The following DLG2 variants were observed in gnomAD, a reference collection of about 807,000 sequenced individuals.
DLG2 encodes discs large MAGUK scaffold protein 2.
A neutral mutation model predicts 132.5 loss-of-function variants in DLG2; 45 were observed. The observed-to-expected ratio is 0.34, with a 90% CI of 0.27 to 0.44. The LOEUF (loss-of-function observed/expected upper bound fraction) is 0.44, where lower values mean the gene tolerates loss of function less well. Among genes scored for constraint, DLG2 ranks in the 20% least tolerant of loss-of-function variants. The pLI, the probability that DLG2 is intolerant of heterozygous loss-of-function variation, is 1.00. For synonymous variants in DLG2, 424 were observed against 419.6 expected (o/e 1.01, Z -0.13); for missense variants, 1,045 against 1,196.9 (o/e 0.87, Z 1.87).
chr11:84,540,449 T>C (rs956277301), intron 6 of DLG2, among the ~76,000 whole-genome samples: 7 of 151,694 alleles, frequency 4.6e-5, no homozygotes, highest in Middle Eastern at 3.5e-3. Flanking sequence ...AAAATGCTCA[T>C]CATCACTGGC....
intron 6 of DLG2, among the ~76,000 whole-genome samples, chr11:84,675,146 C>T (rs1208758664): frequency 6.6e-6 from 1 of 152,122 alleles, no homozygotes; most frequent in Non-Finnish European, 1.5e-5. Flanking sequence ...ACCCTGCGGC[C>T]CCCTCTATCC....
intron 26 of DLG2, among the ~76,000 whole-genome samples, chr11:83,462,551 T>C (rs1373205617): frequency 6.6e-6 from 1 of 152,168 alleles, no homozygotes; most frequent in East Asian, 1.9e-4. Flanking sequence ...CTAGTGTATC[T>C]CAGACTTTCT....
chr11:85,006,549 A>G (rs2058676926), intron 6 of DLG2, among the ~76,000 whole-genome samples: 1 of 152,010 alleles, frequency 6.6e-6, no homozygotes, highest in South Asian at 2.1e-4. Flanking sequence ...GGTAGTTTGC[A>G]TTTCTGTGAG....
At chr11:85,581,419 G>A (rs1343311580) in intron 3 of DLG2, among the ~76,000 whole-genome samples, 1 of 151,986 alleles carries the variant, frequency 6.6e-6, no homozygotes, top group East Asian at 1.9e-4. Flanking sequence ...AGACCAGCCT[G>A]GGCAACATGG....
intron 6 of DLG2, among the ~76,000 whole-genome samples, chr11:85,078,476 A>C (rs371563671): frequency 6.6e-6 from 1 of 151,856 alleles, no homozygotes; most frequent in East Asian, 1.9e-4. Context: ...GTGAAGGAAA[A>C]GGGAAAGTAG....
chr11:84,496,920 A>G (rs1038759108), intron 7 of DLG2, among the ~76,000 whole-genome samples: 1 of 152,160 alleles, frequency 6.6e-6, no homozygotes, highest in Non-Finnish European at 1.5e-5. Context: ...TTTACTTAAT[A>G]TGAAGTAGGA....
At chr11:83,555,455 T>C (rs964502214) in intron 19 of DLG2, among the ~76,000 whole-genome samples, 1 of 152,162 alleles carries the variant, frequency 6.6e-6, no homozygotes, top group African/African-American at 2.4e-5. Context: ...TGGGGAAAGG[T>C]AGTAATCCAA....
chr11:84,664,302 A>C (rs1006238413), intron 6 of DLG2, among the ~76,000 whole-genome samples: 2 of 152,174 alleles, frequency 1.3e-5, no homozygotes. Flanking sequence ...AAAACAAAAC[A>C]AAACAAAAAG....
At chr11:84,987,627 C>G (rs1004815295) in intron 6 of DLG2, among the ~76,000 whole-genome samples, 2 of 152,172 alleles carry the variant, frequency 1.3e-5, no homozygotes, top group Non-Finnish European at 2.9e-5. Flanking sequence ...TACTTACAAC[C>G]AACTGATCTT....
chr11:85,034,533 C>G (rs1348457785), intron 6 of DLG2, among the ~76,000 whole-genome samples: 1 of 152,162 alleles, frequency 6.6e-6, no homozygotes, highest in African/African-American at 2.4e-5. Context: ...AAATAAGAGT[C>G]AAAGTATGCC....
intron 6 of DLG2, among the ~76,000 whole-genome samples, chr11:84,884,725 G>C (rs1435391845): frequency 1.3e-5 from 2 of 151,884 alleles, no homozygotes; most frequent in African/African-American, 4.8e-5. Flanking sequence ...AGCATATCCA[G>C]GGGATACAGT....
intron 7 of DLG2, among the ~76,000 whole-genome samples, chr11:84,319,531 A>G (rs755258141): frequency 4.6e-5 from 7 of 152,216 alleles, no homozygotes; most frequent in Non-Finnish European, 1.0e-4. Context: ...ATAAGAATCA[A>G]TCTACATAGA....
At chr11:84,810,958 A>T (rs141136970) in intron 6 of DLG2, among the ~76,000 whole-genome samples, 57 of 152,278 alleles carry the variant, frequency 3.7e-4, no homozygotes, top group African/African-American at 1.3e-3. Context: ...TGTGGCAATG[A>T]AAGGACAACA....
At chr11:83,689,271 G>A (rs2080411586) in intron 18 of DLG2, among the ~76,000 whole-genome samples, 1 of 152,076 alleles carries the variant, frequency 6.6e-6, no homozygotes. Context: ...AACAAGTGTT[G>A]CAATCAGAGT....
intron 6 of DLG2, among the ~76,000 whole-genome samples, chr11:84,660,396 C>T (rs973559497): frequency 7.9e-5 from 12 of 152,126 alleles, no homozygotes; most frequent in African/African-American, 2.9e-4. Flanking sequence ...ACTTCATTTG[C>T]TCTGGCAAAA....
chr11:85,281,956 C>T (rs1197715306), intron 4 of DLG2, among the ~76,000 whole-genome samples: 2 of 151,702 alleles, frequency 1.3e-5, no homozygotes, highest in African/African-American at 4.8e-5. Context: ...TGGAATCAAT[C>T]AAAGTGTCCA....
At chr11:85,355,643 AG>A (rs2083635433) in intron 3 of DLG2, among the ~76,000 whole-genome samples, 1 of 152,186 alleles carries the variant, frequency 6.6e-6, no homozygotes, top group African/African-American at 2.4e-5. Context: ...TGTGCTTTAA[AG>A]ACAAAAGGAC....
intron 6 of DLG2, among the ~76,000 whole-genome samples, chr11:84,989,206 C>T (rs902199193): frequency 7.2e-5 from 11 of 152,068 alleles, no homozygotes; most frequent in Non-Finnish European, 1.5e-4. Flanking sequence ...GATGGAGTTT[C>T]GCTCTTTTGC....
chr11:83,541,908 G>A (rs777096196), intron 19 of DLG2, 50 bp from the exon 20 acceptor site: 5 of 1,511,094 alleles, frequency 3.3e-6, no homozygotes, highest in South Asian at 1.3e-5. Context: ...TGGCAGCACA[G>A]ATTTAGGATT....
Sources: gnomAD v4.1 joint callset for allele counts (sites outside exome capture counted in the v4.1 genomes callset) on GRCh38, gnomAD v4.1.1 for gene constraint, MANE v1.5 for transcripts, NCBI Gene and HGNC (gene_info 2026-07-23, HGNC 2026-07-21) for gene names.